Variants in TBC1D5 observed in about 807,000 individuals in gnomAD.
The protein encoded by TBC1D5 is TBC1 domain family member 5.
Under a neutral mutation model 100.3 loss-of-function variants are expected in TBC1D5, and 75 were observed. That is an observed-to-expected ratio of 0.75 (90% CI 0.62 to 0.91). The LOEUF (loss-of-function observed/expected upper bound fraction) is 0.91. Among genes scored for constraint, TBC1D5 ranks in the 40% least tolerant of loss-of-function variants. The pLI is 0.00. For synonymous variants in TBC1D5, 323 were observed against 325.6 expected, an observed-to-expected ratio of 0.99 and a Z score of 0.09; for missense variants, 910 against 942.4, an observed-to-expected ratio of 0.97 and a Z score of 0.45.
chr3:17,206,574 T>C (rs537580386), intron 18 of TBC1D5, among the ~76,000 whole-genome samples: 37 of 152,184 alleles, frequency 2.4e-4, no homozygotes, highest in Non-Finnish European at 3.8e-4. Context: ...ATGACCATAG[T>C]ATACGTTCAA....
intron 4 of TBC1D5, among the ~76,000 whole-genome samples, chr3:17,418,720 T>C (rs1430527667): frequency 6.6e-6 from 1 of 152,180 alleles, no homozygotes; most frequent in Non-Finnish European, 1.5e-5. Context: ...TAGATACATA[T>C]GTAAATACTG....
chr3:17,230,684 T>C (rs192453682), intron 17 of TBC1D5, among the ~76,000 whole-genome samples: 1 of 152,230 alleles, frequency 6.6e-6, no homozygotes, highest in East Asian at 1.9e-4. Flanking sequence ...AATGTATATA[T>C]ACAAGTATAA....
chr3:17,311,283 A>G (rs550363174), intron 13 of TBC1D5, among the ~76,000 whole-genome samples: 1 of 152,188 alleles, frequency 6.6e-6, no homozygotes, highest in Admixed American at 6.5e-5. Flanking sequence ...TTACACCTGC[A>G]GACTGCCATG....
intron 3 of TBC1D5, among the ~76,000 whole-genome samples, chr3:17,490,346 C>A (rs775616369): frequency 6.6e-6 from 1 of 152,100 alleles, no homozygotes; most frequent in Non-Finnish European, 1.5e-5. Flanking sequence ...TTAATTAGAT[C>A]CCATTTGTCA....
At chr3:17,594,154 C>T (rs73165754) in intron 2 of TBC1D5, among the ~76,000 whole-genome samples, 1 of 152,182 alleles carries the variant, frequency 6.6e-6, no homozygotes, top group Non-Finnish European at 1.5e-5. Flanking sequence ...CACCTCCTAC[C>T]TTTAAGCCAA....
intron 3 of TBC1D5, among the ~76,000 whole-genome samples, chr3:17,466,288 T>C (rs1336154804): frequency 2.0e-5 from 3 of 152,232 alleles, no homozygotes; most frequent in African/African-American, 4.8e-5. Flanking sequence ...TCAGCTCTAT[T>C]AGTAAAAATT....
At chr3:17,704,695 G>A (rs1370009802) in intron 1 of TBC1D5, among the ~76,000 whole-genome samples, 1 of 57,866 alleles carries the variant, frequency 1.7e-5, no homozygotes, top group Non-Finnish European at 3.5e-5. Context: ...GGCCGGGCGG[G>A]GGGCCGACCC....
At chr3:17,338,258 C>G (rs1488294759) in intron 13 of TBC1D5, among the ~76,000 whole-genome samples, 2 of 152,104 alleles carry the variant, frequency 1.3e-5, no homozygotes, top group African/African-American at 4.8e-5. Context: ...AACTTTAGAA[C>G]CATGTAAGAT....
chr3:17,358,175 T>TG (rs2091389931), intron 13 of TBC1D5, among the ~76,000 whole-genome samples: 1 of 150,492 alleles, frequency 6.6e-6, no homozygotes, highest in African/African-American at 2.5e-5. Flanking sequence ...TCACTTTTTT[T>TG]TTGTTTGTTT....
At chr3:17,370,435 AAAT>A in intron 13 of TBC1D5, among the ~76,000 whole-genome samples, 1 of 152,312 alleles carries the variant, frequency 6.6e-6, no homozygotes, top group East Asian at 1.9e-4. Flanking sequence ...TAGCTCTTTC[AAAT>A]AAATTTTTAT....
chr3:17,732,320 A>AAAACAAAAAAC (rs2076629949), intron 1 of TBC1D5, among the ~76,000 whole-genome samples: 1 of 151,896 alleles, frequency 6.6e-6, no homozygotes, highest in African/African-American at 2.4e-5. Flanking sequence ...TCCATCTCAA[A>AAAACAAAAAAC]AAACAAAAAA....
At chr3:17,641,662 C>T (rs117356138) in intron 1 of TBC1D5, among the ~76,000 whole-genome samples, 2,513 of 152,090 alleles carry the variant, frequency 0.017, 52 homozygotes, top group South Asian at 0.047. Flanking sequence ...GTAATAAGGC[C>T]ACCTATGTAA....
At position 17,436,758 on chromosome 3, in the gene TBC1D5, G is replaced by T. The variant is rs767020383; in HGVS notation, c.98-8239C>A. 1.6e-4 allele frequency among the ~76,000 whole-genome samples: 25 copies of T among 151,966 alleles called. 1 individual carries two copies. The highest frequency in any genetic ancestry group is 1.0e-4 in the Non-Finnish European group (7 of 67,974). ...ATAAAAGATAAAAAACTAAAACCAT[G>T]GTCAGTCTATCAATAAACTAAAACT... On this transcript the variant is annotated intron_variant, in intron 3 of 21. Transcript: ENST00000253692.
intron 18 of TBC1D5, among the ~76,000 whole-genome samples, chr3:17,205,437 C>T (rs745765788): frequency 2.0e-4 from 31 of 152,170 alleles, no homozygotes; most frequent in Non-Finnish European, 3.1e-4. Context: ...TCAATTTCTC[C>T]CTTTCAACCA....
chr3:17,343,659 T>C (rs1285532682), intron 13 of TBC1D5, among the ~76,000 whole-genome samples: 1 of 152,110 alleles, frequency 6.6e-6, no homozygotes, highest in African/African-American at 2.4e-5. Flanking sequence ...GTTACTGGTC[T>C]ATTCAGAGAT....
chr3:17,461,765 T>A (rs1159236517), intron 3 of TBC1D5, among the ~76,000 whole-genome samples: 1 of 152,176 alleles, frequency 6.6e-6, no homozygotes, highest in Non-Finnish European at 1.5e-5. Context: ...TCTAACCCAC[T>A]TCCTATAAGC....
intron 1 of TBC1D5, among the ~76,000 whole-genome samples, chr3:17,666,107 TATAA>T (rs1299227723): frequency 1.2e-4 from 19 of 152,350 alleles, no homozygotes; most frequent in African/African-American, 3.8e-4. Context: ...CTCTTCAAAG[TATAA>T]ATATTTTTAG....
chr3:17,537,389 T>C lies in TBC1D5; in HGVS notation c.-35-28784A>G, dbSNP rs546904234. Among the ~76,000 whole-genome samples the C allele has an allele frequency of 4.6e-5, 7 of 152,310 alleles. No individual in the cohort carries two copies. The South Asian group carries it at 1.5e-3, about 32-fold the overall frequency. On this transcript the variant is annotated intron_variant, in intron 2 of 21. Transcript: ENST00000253692. ...GATCTTTACTTTAACCTAAACTCCA[T>C]AAGGGAGGAGGTAACAAGGCACGTC... is the stretch of plus-strand genomic sequence containing the variant.
chr3:17,199,700 GC>G (rs751846478), intron 18 of TBC1D5, among the ~76,000 whole-genome samples: 2 of 152,192 alleles, frequency 1.3e-5, no homozygotes, highest in Non-Finnish European at 2.9e-5. Flanking sequence ...GTAAAATGTT[GC>G]AAACTGTCCC....
Sources: allele counts gnomAD v4.1 joint callset (sites outside exome capture counted in the v4.1 genomes callset), GRCh38; gene constraint gnomAD v4.1.1; transcripts MANE v1.5; gene names NCBI Gene and HGNC (gene_info 2026-07-23, HGNC 2026-07-21).